The following B4GALNT2 variants were observed in gnomAD, a reference collection of about 807,000 sequenced individuals.
B4GALNT2 encodes the protein N-acetylneuraminylgalactosylglucosyl-glucoside beta-1,4-N- acetylgalactosaminyltransferase 2.
In B4GALNT2, 42 loss-of-function variants were observed where a neutral mutation model predicts 51.1. The ratio of observed to expected loss-of-function variants is 0.82; its 90% CI spans 0.64 to 1.06. The LOEUF is 1.06. Among genes scored for constraint, B4GALNT2 ranks in the 50% least tolerant of loss-of-function variants. The probability of loss-of-function intolerance (pLI) is 0.00; values close to 1 mark genes in which losing one functional copy is unlikely to be tolerated. For synonymous variants in B4GALNT2, 253 were observed against 251.7 expected, an observed-to-expected ratio of 1.01 and a Z score of -0.05; for missense variants, 602 against 633.6, an observed-to-expected ratio of 0.95 and a Z score of 0.54.
At position 49,176,024 on chromosome 17, in the gene B4GALNT2, G is replaced by A. The variant is rs1166503782; in HGVS notation, c.*6296G>A. 6.6e-6 allele frequency: 1 copy of A among 152,178 alleles called. No homozygotes were observed. Among genetic ancestry groups the A allele is most frequent in the Non-Finnish European group, 1.5e-5 (1 of 68,042 alleles). 9.4% of individuals were successfully genotyped at this position (152,178 alleles called of 1,614,324 possible). ...ATTAGTGTGAAAAGGTTCTAAGGTGGAACGCACCAGAGCCCACACTTGTCC... is the reference window on the plus strand; with the variant it reads ...ATTAGTGTGAAAAGGTTCTAAGGTGAAACGCACCAGAGCCCACACTTGTCC... On this transcript the variant is annotated 3_prime_UTR_variant, in exon 11 of 11. Transcript: ENST00000393354.
At chr17:49,156,767 C>A (rs1220218403) in intron 5 of B4GALNT2, among the ~76,000 whole-genome samples, 164 bp downstream of exon 5, 1 of 152,152 alleles carries the variant, frequency 6.6e-6, no homozygotes, top group Non-Finnish European at 1.5e-5. Flanking sequence ...AACTTCTAGC[C>A]TTGGGAGTGG....
chr17:49,163,691 G>A (rs1203242155), intron 7 of B4GALNT2, among the ~76,000 whole-genome samples: 2 of 150,610 alleles, frequency 1.3e-5, no homozygotes, highest in Non-Finnish European at 2.9e-5. Context: ...GGGAGGCGGA[G>A]GTTGCAGTGA....
chr17:49,150,746 C>T (rs565249400), intron 3 of B4GALNT2, among the ~76,000 whole-genome samples: 1 of 150,576 alleles, frequency 6.6e-6, no homozygotes, highest in African/African-American at 2.5e-5. Flanking sequence ...AGAGTCATCA[C>T]CACTCCCTAA....
upstream of B4GALNT2, among the ~76,000 whole-genome samples, chr17:49,129,047 G>A (rs983815928): frequency 6.6e-6 from 1 of 152,204 alleles, no homozygotes; most frequent in African/African-American, 2.4e-5. Context: ...ACTGTCCCGA[G>A]TACCATGAGA....
At chr17:49,165,263 T>TTCCCTCTC (rs2042900643) in intron 8 of B4GALNT2, among the ~76,000 whole-genome samples, 1 of 151,098 alleles carries the variant, frequency 6.6e-6, no homozygotes. Flanking sequence ...TCTCTCCTCT[T>TTCCCTCTC]TCCCTCTCTC....
chr17:49,169,995 G>T lies in B4GALNT2; in HGVS notation c.*267G>T. The T allele has an allele frequency of 2.9e-6, 1 of 349,352 alleles. No individual in the cohort carries two copies. Among genetic ancestry groups the T allele is most frequent in the Non-Finnish European group, 5.2e-6 (1 of 193,152 alleles). The allele number at this position is 349,352 out of a possible 1,614,324, so 21.6% of individuals were successfully genotyped here. Reference sequence around the variant, plus strand: ...CTTTTTTGAAGCATTTGCATGGGCAGTATCTCACATCATCTCATCTGATAT... The same window carrying T: ...CTTTTTTGAAGCATTTGCATGGGCATTATCTCACATCATCTCATCTGATAT... On this transcript the variant is annotated 3_prime_UTR_variant, in exon 11 of 11. Transcript: ENST00000393354.
At chr17:49,130,711 T>G (rs1350667902), upstream of B4GALNT2, among the ~76,000 whole-genome samples, 4 of 152,316 alleles carry the variant, frequency 2.6e-5, no homozygotes, top group African/African-American at 9.6e-5. Flanking sequence ...TTCTTCTTAT[T>G]GTTGCAGAAA....
chr17:49,145,211 C>T (rs768228033), intron 3 of B4GALNT2, among the ~76,000 whole-genome samples: 9 of 152,158 alleles, frequency 5.9e-5, no homozygotes, highest in African/African-American at 2.2e-4. Flanking sequence ...TACACATCTC[C>T]TGAGATCATA....
At chr17:49,152,979 G>T in intron 4 of B4GALNT2, 73 bp downstream of exon 4, 1 of 1,344,382 alleles carries the variant, frequency 7.4e-7, no homozygotes, top group Non-Finnish European at 1.0e-6. Context: ...GGGAGAGGTC[G>T]GGTGCAGTGG....
In B4GALNT2 at chr17:49,142,139, G is replaced by A; in HGVS notation, c.320G>A (p.Arg107Lys). Residue 107 changes from arginine to lysine, a missense_variant, in exon 3 of 11, where the codon AGG (arginine) becomes AAG (lysine). Physicochemically the swap from Arg to Lys is conservative, Grantham distance 26 (BLOSUM62 2). Transcript: ENST00000393354. ...AGCGACCTCCCAGCGGTGAAAGCGA[G>A]GAGACAGGCTGAATTTGAACACTTT... ...GQSDLPAVKA[R>K]RQAEFEHFQR... 1 of 1,614,098 alleles carries A rather than the reference G, an allele frequency of 6.2e-7. No homozygotes were observed. The highest frequency in any genetic ancestry group is 8.5e-7 in the Non-Finnish European group (1 of 1,180,026).
rs1170890941 is a variant in B4GALNT2 at position 49,174,011 on chromosome 17, C to T, written c.*4283C>T. 1 of 152,084 alleles carries T rather than the reference C, an allele frequency of 6.6e-6. No individual in the cohort carries two copies. The highest frequency in any genetic ancestry group is 1.5e-5 in the Non-Finnish European group (1 of 68,014). The allele number at this position is 152,084 out of a possible 1,614,324, so 9.4% of individuals were successfully genotyped here. ...AGAGTAGGTCATATCCAATTAATGT[C>T]CCCTGGTAATTTTTGAAAGTCATTT... On this transcript the variant is annotated 3_prime_UTR_variant, in exon 11 of 11. Transcript: ENST00000393354.
intron 3 of B4GALNT2, among the ~76,000 whole-genome samples, chr17:49,150,191 G>A (rs1277974495): frequency 2.2e-5 from 3 of 139,286 alleles, no homozygotes. Flanking sequence ...CCGTCCGGGA[G>A]GGAGGTGGGG....
chr17:49,164,955 G>A (rs2042897863), intron 8 of B4GALNT2, among the ~76,000 whole-genome samples: 1 of 152,002 alleles, frequency 6.6e-6, no homozygotes, highest in South Asian at 2.1e-4. Flanking sequence ...GGGACTACAG[G>A]CATGCACCAT....
upstream of B4GALNT2, among the ~76,000 whole-genome samples, chr17:49,132,303 G>A (rs1054066872): frequency 7.2e-5 from 11 of 152,112 alleles, no homozygotes; most frequent in Non-Finnish European, 1.6e-4. Context: ...GTGGCCGCAC[G>A]GGTCCCTGCC....
Position 49,142,032 on chromosome 17 carries a change from C to T in B4GALNT2, c.216-3C>T. The T allele has an allele frequency of 6.2e-7, 1 of 1,614,088 alleles. No individual in the cohort carries two copies. Among genetic ancestry groups the T allele is most frequent in the South Asian group, 1.1e-5 (1 of 91,078 alleles). ...ATGTTTACAGTCCTCTTGCTTGTTT[C>T]AGGCTGTTCCCGAAAAATCAGTGCA... On this transcript the variant is annotated splice_region_variant and splice_polypyrimidine_tract_variant and intron_variant, in intron 2 of 10. Transcript: ENST00000393354.
At chr17:49,158,744 G>A (rs1282811642) in intron 5 of B4GALNT2, among the ~76,000 whole-genome samples, 2 of 152,000 alleles carry the variant, frequency 1.3e-5, no homozygotes, top group Admixed American at 6.6e-5. Context: ...AAAAAAGGCT[G>A]TGGGTGGAAT....
intron 3 of B4GALNT2, among the ~76,000 whole-genome samples, chr17:49,152,056 T>C (rs2042762236): frequency 6.6e-6 from 1 of 152,094 alleles, no homozygotes; most frequent in Non-Finnish European, 1.5e-5. Flanking sequence ...CCTTCTTCTA[T>C]GCTGGTCATG....
In B4GALNT2 at chr17:49,164,154, T is replaced by C; in HGVS notation, c.833T>C (p.Ile278Thr). The change falls in exon 8 of 11, where the codon ATC becomes ACC. Residue 278 changes from isoleucine to threonine, a missense_variant. By Grantham distance (89) the Ile-to-Thr change is moderately conservative (BLOSUM62 -1). Coordinates refer to ENST00000393354, the MANE Select transcript of B4GALNT2 (RefSeq NM_001159387.2). ...TTCCTCCGCCCCCACAAGCTCATGA[T>C]CATGCTCCGGAGTATTCGAGAGTAT... is the stretch of plus-strand genomic sequence containing the variant. ...KTFLRPHKLM[I>T]MLRSIREYYP... 6.2e-7 allele frequency: 1 copy of C among 1,614,148 alleles called. No homozygotes were observed. The highest frequency in any genetic ancestry group is 8.5e-7 in the Non-Finnish European group (1 of 1,179,960).
upstream of B4GALNT2, among the ~76,000 whole-genome samples, chr17:49,132,228 G>T (rs2042545384): frequency 6.6e-6 from 1 of 152,144 alleles, no homozygotes; most frequent in South Asian, 2.1e-4. Flanking sequence ...TTATGAAAAA[G>T]GTCCTGCAAA....
Sources: gnomAD v4.1 joint callset for allele counts (sites outside exome capture counted in the v4.1 genomes callset) on GRCh38, gnomAD v4.1.1 for gene constraint, MANE v1.5 for transcripts, NCBI Gene and HGNC (gene_info 2026-07-23, HGNC 2026-07-21) for gene names.